Variants in TRPM3 observed in about 807,000 individuals in gnomAD.
TRPM3 encodes long transient receptor potential channel 3.
In TRPM3, 77 loss-of-function variants were observed where a neutral mutation model predicts 181.2. The ratio of observed to expected loss-of-function variants is 0.42; its 90% CI spans 0.35 to 0.51. The LOEUF (loss-of-function observed/expected upper bound fraction) is 0.51, where lower values mean the gene tolerates loss of function less well. TRPM3 is among the 20% of genes least tolerant of loss of function. TRPM3 has a pLI of 0.01. For synonymous variants in TRPM3, 745 were observed against 796.4 expected, an observed-to-expected ratio of 0.94 and a Z score of 1.09; for missense variants, 1,759 against 2,196.7, an observed-to-expected ratio of 0.80 and a Z score of 3.98.
At chr9:71,132,401 A>T (rs866277464) in intron 1 of TRPM3, among the ~76,000 whole-genome samples, 4 of 152,242 alleles carry the variant, frequency 2.6e-5, no homozygotes, top group African/African-American at 9.6e-5. Context: ...TCTCAAAATT[A>T]TGTATGAAAT....
chr9:71,012,757 C>T (rs1048621598), intron 1 of TRPM3, among the ~76,000 whole-genome samples: 2 of 151,704 alleles, frequency 1.3e-5, no homozygotes, highest in African/African-American at 4.8e-5. Flanking sequence ...TTTTAATATT[C>T]CACTGAAATT....
chr9:70,769,391 ACCT>A (rs2135410980), intron 7 of TRPM3, among the ~76,000 whole-genome samples: 1 of 151,274 alleles, frequency 6.6e-6, no homozygotes, highest in South Asian at 2.1e-4. Context: ...CTCAAACTTC[ACCT>A]CCTTTTTCTT....
intron 12 of TRPM3, among the ~76,000 whole-genome samples, chr9:70,633,338 G>C (rs1281313887): frequency 6.6e-6 from 1 of 152,172 alleles, no homozygotes; most frequent in Non-Finnish European, 1.5e-5. Context: ...AAGCCAGGAT[G>C]AATTAGACAA....
chr9:70,591,505 AG>A (rs754251011), intron 21 of TRPM3, among the ~76,000 whole-genome samples: 1 of 152,184 alleles, frequency 6.6e-6, no homozygotes, highest in Non-Finnish European at 1.5e-5. Flanking sequence ...GGCTAGGCAT[AG>A]GAGTCATATA....
intron 19 of TRPM3, among the ~76,000 whole-genome samples, chr9:70,605,252 C>T (rs942092523): frequency 1.3e-5 from 2 of 152,150 alleles, no homozygotes; most frequent in African/African-American, 2.4e-5. Context: ...CACTGCGCCT[C>T]GCCTAAATAG....
chr9:70,543,357 C>T (rs2043983452), intron 25 of TRPM3, among the ~76,000 whole-genome samples: 1 of 152,166 alleles, frequency 6.6e-6, no homozygotes, highest in Non-Finnish European at 1.5e-5. Context: ...AATCCATTTA[C>T]ATTCTTTATT....
At chr9:70,618,111 G>A (rs1318765331) in intron 17 of TRPM3, among the ~76,000 whole-genome samples, 2 of 151,490 alleles carry the variant, frequency 1.3e-5, no homozygotes, top group African/African-American at 4.9e-5. Flanking sequence ...TCCTTTTTCA[G>A]TTTCACATTT....
intron 1 of TRPM3, among the ~76,000 whole-genome samples, chr9:71,422,443 C>T (rs987122287): frequency 6.6e-6 from 1 of 152,034 alleles, no homozygotes; most frequent in African/African-American, 2.4e-5. Context: ...GATCTTTATT[C>T]ATTACTGAGT....
chr9:70,600,577 TG>T (rs1226061525), intron 20 of TRPM3, among the ~76,000 whole-genome samples: 5 of 152,120 alleles, frequency 3.3e-5, no homozygotes, highest in Admixed American at 6.5e-5. Context: ...ATATAGATGC[TG>T]GGCCCTCAGT....
At chr9:71,280,128 T>C (rs11142773) in intron 1 of TRPM3, among the ~76,000 whole-genome samples, 37,352 of 151,140 alleles carry the variant, frequency 0.25, 5,442 homozygotes, top group African/African-American at 0.39. Context: ...TTTTATTGTG[T>C]AATGTAAAAC....
intron 7 of TRPM3, among the ~76,000 whole-genome samples, chr9:70,772,729 G>A (rs902397188): frequency 2.0e-5 from 3 of 152,170 alleles, no homozygotes; most frequent in Non-Finnish European, 2.9e-5. Flanking sequence ...GAAAAATCCT[G>A]AACAATGTTG....
chr9:70,869,637 G>A (rs529426654), intron 1 of TRPM3, among the ~76,000 whole-genome samples: 10 of 152,096 alleles, frequency 6.6e-5, no homozygotes, highest in Admixed American at 3.3e-4. Flanking sequence ...GGGGACCTTC[G>A]AGAACTTCTA....
At chr9:71,055,489 C>T (rs2060557048) in intron 1 of TRPM3, among the ~76,000 whole-genome samples, 1 of 152,030 alleles carries the variant, frequency 6.6e-6, no homozygotes, top group African/African-American at 2.4e-5. Context: ...TAGTTCTCAG[C>T]ATATATCTTT....
chr9:70,534,335 A>C lies in TRPM3; in HGVS notation c.*1618T>G, dbSNP rs1358129020. The C allele has an allele frequency of 1.3e-5, 2 of 152,270 alleles. No homozygotes were observed. Among genetic ancestry groups the C allele is most frequent in the Admixed American group, 1.3e-4 (2 of 15,284 alleles). 9.4% of individuals were successfully genotyped at this position (152,270 alleles called of 1,614,324 possible). On this transcript the variant is annotated 3_prime_UTR_variant, in exon 26 of 26. Transcript: ENST00000677713. ...TGACAACTCTAGTTTGATATGAGGAAAAGTCATAGGAATTTAAAAAATTCA... is the reference window on the plus strand; with the variant it reads ...TGACAACTCTAGTTTGATATGAGGACAAGTCATAGGAATTTAAAAAATTCA...
Position 71,118,718 on chromosome 9 carries a change from T to C in TRPM3, c.177+2460A>G, listed in dbSNP as rs115156460. On this transcript the variant is annotated intron_variant, in intron 1 of 25. Transcript: ENST00000677713. The stretch of plus-strand genomic sequence containing the variant: ...AATAGGAGAATTGGCTTTGTTACCT[T>C]AAGATTTCAATAATCTACTGGATTC... Among the ~76,000 whole-genome samples, 1,385 of 152,216 alleles carry C rather than the reference T, an allele frequency of 9.1e-3. 29 individuals are homozygous for C. Among genetic ancestry groups the C allele is most frequent in the African/African-American group, 0.03 (1,261 of 41,530 alleles).
At chr9:71,164,010 T>A (rs928329774) in intron 1 of TRPM3, among the ~76,000 whole-genome samples, 1 of 152,124 alleles carries the variant, frequency 6.6e-6, no homozygotes, top group Admixed American at 6.6e-5. Flanking sequence ...TTCAGAAGTA[T>A]TAGCTGGGAC....
intron 1 of TRPM3, among the ~76,000 whole-genome samples, chr9:71,196,283 A>G (rs917116354): frequency 8.3e-6 from 1 of 119,928 alleles, no homozygotes; most frequent in Non-Finnish European, 1.9e-5. Flanking sequence ...TTAGTAATTT[A>G]TTTCTGATAG....
intron 1 of TRPM3, among the ~76,000 whole-genome samples, chr9:71,237,496 T>G (rs1326437416): frequency 6.6e-6 from 1 of 152,222 alleles, no homozygotes; most frequent in Non-Finnish European, 1.5e-5. Flanking sequence ...ACCCACATTT[T>G]CTACTTATCA....
rs548189005 is a variant in TRPM3 at position 71,362,876 on chromosome 9, T to G, written c.183+83777A>C. Reference sequence around the variant, plus strand: ...AAGATAAAAAATAATAATTCCACCTTAGGAATTAAGCTTAGCAGGCATGGG... The same window carrying G: ...AAGATAAAAAATAATAATTCCACCTGAGGAATTAAGCTTAGCAGGCATGGG... On this transcript the variant is annotated intron_variant, in intron 1 of 24. Transcript: ENST00000357533. 4.1e-4 allele frequency among the ~76,000 whole-genome samples: 62 copies of G among 152,258 alleles called. 1 individual carries two copies. Among genetic ancestry groups the G allele is most frequent in the African/African-American group, 1.4e-3 (59 of 41,556 alleles).
Sources: allele counts gnomAD v4.1 joint callset (sites outside exome capture counted in the v4.1 genomes callset), GRCh38; gene constraint gnomAD v4.1.1; transcripts MANE v1.5; gene names NCBI Gene and HGNC (gene_info 2026-07-23, HGNC 2026-07-21).